CLASP1: variants seen among roughly 807,000 people sequenced by gnomAD.
The protein encoded by CLASP1 is cytoplasmic linker associated protein 1.
A neutral mutation model predicts 192.3 loss-of-function variants in CLASP1; 38 were observed. The ratio of observed to expected loss-of-function variants is 0.20; its 90% CI spans 0.15 to 0.26. The LOEUF (loss-of-function observed/expected upper bound fraction) is 0.26. Among genes scored for constraint, CLASP1 ranks in the 10% least tolerant of loss-of-function variants. The pLI, the probability that CLASP1 is intolerant of heterozygous loss-of-function variation, is 1.00. For synonymous variants in CLASP1, 691 were observed against 712.8 expected (o/e 0.97, Z 0.49); for missense variants, 1,433 against 1,932.5 (o/e 0.74, Z 4.85).
chr2:121,430,423 A>G (rs2081192268), intron 19 of CLASP1, among the ~76,000 whole-genome samples: 1 of 152,272 alleles, frequency 6.6e-6, no homozygotes, highest in South Asian at 2.1e-4. Context: ...GGAGCCATGG[A>G]CCTGCAGCTG....
In CLASP1 at chr2:121,531,522, G is replaced by C. The variant is rs534103134; in HGVS notation, c.196-1197C>G. On this transcript the variant is annotated intron_variant, in intron 2 of 39. Coordinates refer to ENST00000263710, the Ensembl canonical transcript of CLASP1. ...AGGCAGGAGAATGGCGTGAATCCGG[G>C]GGGGTGGAGCCTGCAGTGAGCAGAG... is the stretch of plus-strand genomic sequence containing the variant. 6.6e-5 allele frequency among the ~76,000 whole-genome samples: 10 copies of C among 151,800 alleles called. No individual in the cohort carries two copies. In the East Asian group the frequency reaches 1.5e-3, roughly 23 times the overall value.
At chr2:121,504,641 C>T (rs2093882175) in intron 7 of CLASP1, among the ~76,000 whole-genome samples, 1 of 152,210 alleles carries the variant, frequency 6.6e-6, no homozygotes, top group Non-Finnish European at 1.5e-5. Flanking sequence ...ATGTGCCCAA[C>T]ACCGAGCTAG....
intron 16 of CLASP1, among the ~76,000 whole-genome samples, chr2:121,450,232 G>A (rs1206495253): frequency 6.6e-6 from 1 of 152,072 alleles, no homozygotes; most frequent in Non-Finnish European, 1.5e-5. Flanking sequence ...TTGGGAGGCT[G>A]AGGTAGGAGA....
intron 2 of CLASP1, among the ~76,000 whole-genome samples, chr2:121,577,222 TAA>T (rs77532001): frequency 4.9e-5 from 7 of 141,708 alleles, no homozygotes; most frequent in Admixed American, 7.1e-5. Context: ...TACGTATCTT[TAA>T]AAAAAAAAAA....
intron 1 of CLASP1, among the ~76,000 whole-genome samples, chr2:121,606,882 C>A (rs1283030829): frequency 6.6e-6 from 1 of 152,126 alleles, no homozygotes; most frequent in African/African-American, 2.4e-5. Context: ...CATGGTGAAA[C>A]CCTGTCTCTA....
chr2:121,525,233 C>T (rs1356935082), intron 6 of CLASP1, among the ~76,000 whole-genome samples: 1 of 151,986 alleles, frequency 6.6e-6, no homozygotes. Flanking sequence ...TTTCTCCAGC[C>T]CAGACTTGTA....
intron 1 of CLASP1, among the ~76,000 whole-genome samples, chr2:121,639,468 A>G (rs1317421076): frequency 6.6e-6 from 1 of 152,218 alleles, no homozygotes; most frequent in African/African-American, 2.4e-5. Context: ...TAATGGCTAC[A>G]GAGTTTCTAT....
intron 33 of CLASP1, 64 bp from the exon 35 acceptor site, chr2:121,377,713 T>A (rs543955260): frequency 3.0e-5 from 33 of 1,103,272 alleles, no homozygotes; most frequent in Non-Finnish European, 4.0e-5. Flanking sequence ...GATATGGGCA[T>A]AAGTTACTTC....
At chr2:121,493,814 A>G (rs1397548958) in intron 8 of CLASP1, among the ~76,000 whole-genome samples, 1 of 152,218 alleles carries the variant, frequency 6.6e-6, no homozygotes, top group African/African-American at 2.4e-5. Flanking sequence ...TCGAAAGAAG[A>G]CACACAAATG....
At position 121,419,479 on chromosome 2, in the gene CLASP1, T is replaced by G. The variant is rs548800577; in HGVS notation, c.2213-750A>C. Among the ~76,000 whole-genome samples, 20 of 152,304 alleles carry G rather than the reference T, an allele frequency of 1.3e-4. No homozygotes were observed. In the South Asian group the frequency reaches 3.7e-3, roughly 28 times the overall value. On this transcript the variant is annotated intron_variant, in intron 22 of 39. Coordinates refer to ENST00000263710, the Ensembl canonical transcript of CLASP1. Reference sequence around the variant, plus strand: ...ACCAAGCACCACCACTGACCCAGTCTTTCACACTGTGTCTAGAGCAAGTAG... The same window carrying G: ...ACCAAGCACCACCACTGACCCAGTCGTTCACACTGTGTCTAGAGCAAGTAG...
intron 25 of CLASP1, among the ~76,000 whole-genome samples, chr2:121,406,167 G>A (rs1181764099): frequency 6.6e-6 from 1 of 152,120 alleles, no homozygotes; most frequent in Non-Finnish European, 1.5e-5. Context: ...TAATTAAAGG[G>A]CTAAAAATAA....
intron 30 of CLASP1, among the ~76,000 whole-genome samples, chr2:121,395,634 TCCA>T (rs1356900248): frequency 1.3e-5 from 2 of 152,204 alleles, no homozygotes; most frequent in Admixed American, 1.3e-4. Context: ...GCATCCATAT[TCCA>T]CATCTGAGGA....
At chr2:121,478,739 AC>A (rs2092052065) in intron 8 of CLASP1, among the ~76,000 whole-genome samples, 1 of 60,398 alleles carries the variant, frequency 1.7e-5, no homozygotes. Flanking sequence ...CCACACACAC[AC>A]CCCACACACA....
At chr2:121,547,434 T>C (rs1264014590) in intron 2 of CLASP1, among the ~76,000 whole-genome samples, 3 of 150,960 alleles carry the variant, frequency 2.0e-5, no homozygotes, top group African/African-American at 7.3e-5. Context: ...CAGCTTGGGC[T>C]CGCAGCGAAG....
intron 2 of CLASP1, among the ~76,000 whole-genome samples, chr2:121,591,777 A>C (rs563629189): frequency 2.0e-5 from 3 of 152,308 alleles, no homozygotes; most frequent in East Asian, 3.9e-4. Context: ...AAGGATGTTT[A>C]AACACCAAGA....
intron 20 of CLASP1, among the ~76,000 whole-genome samples, chr2:121,428,656 T>A (rs2080871666): frequency 1.3e-5 from 2 of 152,168 alleles, no homozygotes; most frequent in South Asian, 4.2e-4. Context: ...GCATTCTTGG[T>A]CTTAACGGAC....
chr2:121,606,060 G>T (rs759816466), exon 2 of CLASP1: 6 of 607,150 alleles, frequency 9.9e-6, no homozygotes, highest in African/African-American at 3.7e-5. Flanking sequence ...ATGTGTGTCT[G>T]AAGAGCAGCT....
At chr2:121,452,437 T>C (rs944206458) in intron 14 of CLASP1, among the ~76,000 whole-genome samples, 1 of 152,196 alleles carries the variant, frequency 6.6e-6, no homozygotes, top group Non-Finnish European at 1.5e-5. Context: ...TTTCTTGGTC[T>C]GATTTGTGCA....
rs375125291 is a variant in CLASP1, at chr2:121,605,863, C to G, written c.33G>C (p.Gln11His). Residue 11 changes from glutamine to histidine, a missense_variant, in exon 2 of 40, where the codon CAG becomes CAC. By Grantham distance (24) the Gln-to-His change is conservative. Coordinates refer to ENST00000263710, the Ensembl canonical transcript of CLASP1. ...GTTTCCCCACATCCTTCTGCAACAC[C>G]TGCGCCAGGCAGGACTCCATGCGAG... The G allele has an allele frequency of 5.0e-6, 8 of 1,613,870 alleles. No homozygotes were observed. The African/African-American group carries it at 9.3e-5, about 19-fold the overall frequency.
Sources: allele counts gnomAD v4.1 joint callset (sites outside exome capture counted in the v4.1 genomes callset), GRCh38; gene constraint gnomAD v4.1.1; transcripts MANE v1.5; gene names NCBI Gene and HGNC (gene_info 2026-07-23, HGNC 2026-07-21).